Variants in CALN1 observed in about 807,000 individuals in gnomAD.
CALN1 encodes the protein calneuron 1, also known as calcium-binding protein 8.
CALN1 carries 17 observed loss-of-function variants against 30.6 expected under a neutral mutation model. The observed-to-expected ratio is 0.56, with a 90% CI of 0.38 to 0.83. The LOEUF (loss-of-function observed/expected upper bound fraction) is 0.83. Ranked by LOEUF, CALN1 falls within the 40% of genes least tolerant of loss-of-function variation. The pLI is 0.00. For missense variants in CALN1, 291 were observed against 354.9 expected (o/e 0.82, Z 1.45); for synonymous variants, 156 against 131.4 (o/e 1.19, Z -1.28).
chr7:72,411,846 A>G (rs1562958516), intron 1 of CALN1, among the ~76,000 whole-genome samples: 1 of 152,230 alleles, frequency 6.6e-6, no homozygotes, highest in Non-Finnish European at 1.5e-5. Context: ...TTTTCCATAC[A>G]GATTATATTC....
At chr7:71,970,772 C>T (rs925948813) in intron 5 of CALN1, among the ~76,000 whole-genome samples, 9 of 152,116 alleles carry the variant, frequency 5.9e-5, no homozygotes, top group African/African-American at 2.2e-4. Context: ...CACAAAAGGG[C>T]TCAAGTCATC....
At chr7:71,858,276 G>T (rs575943405) in intron 5 of CALN1, among the ~76,000 whole-genome samples, 1 of 152,072 alleles carries the variant, frequency 6.6e-6, no homozygotes, top group Non-Finnish European at 1.5e-5. Context: ...ATCTCCTGCC[G>T]TGATTGTAAG....
At chr7:72,441,470 C>T (rs538551168) in intron 1 of CALN1, among the ~76,000 whole-genome samples, 8 of 151,878 alleles carry the variant, frequency 5.3e-5, no homozygotes, top group African/African-American at 1.7e-4. Flanking sequence ...TGGTGACATG[C>T]GCCTATAATC....
At chr7:72,449,011 G>A (rs1808605402), upstream of CALN1, among the ~76,000 whole-genome samples, 1 of 152,134 alleles carries the variant, frequency 6.6e-6, no homozygotes, top group Admixed American at 6.5e-5. Flanking sequence ...TGGAGTGAGT[G>A]TCAGGGGTGT....
chr7:72,415,802 A>C (rs1420316830), upstream of CALN1, among the ~76,000 whole-genome samples: 2 of 152,060 alleles, frequency 1.3e-5, no homozygotes, highest in African/African-American at 4.8e-5. Context: ...CGCGGGGGGC[A>C]TAGAACTGCG....
intron 2 of CALN1, among the ~76,000 whole-genome samples, chr7:72,401,479 T>C (rs541848384): frequency 6.6e-6 from 1 of 152,098 alleles, no homozygotes; most frequent in African/African-American, 2.4e-5. Context: ...ACATGTTCAG[T>C]GCGTGTGTGC....
the CALN1 span, among the ~76,000 whole-genome samples, chr7:72,470,248 T>C: frequency 1.3e-5 from 2 of 152,264 alleles, no homozygotes; most frequent in African/African-American, 4.8e-5. Flanking sequence ...GTAATGTGCA[T>C]AGAGCCCAGA....
chr7:71,806,252 A>G (rs1787603227), intron 6 of CALN1, among the ~76,000 whole-genome samples: 1 of 140,428 alleles, frequency 7.1e-6, no homozygotes, highest in Non-Finnish European at 1.5e-5. Flanking sequence ...GCACGCATGC[A>G]CACACACACA....
At chr7:72,268,720 C>A (rs142332301) in intron 3 of CALN1, among the ~76,000 whole-genome samples, 2 of 151,254 alleles carry the variant, frequency 1.3e-5, no homozygotes, top group Non-Finnish European at 2.9e-5. Flanking sequence ...TCACTTCAGC[C>A]CAGAAGGTGG....
Position 71,898,502 on chromosome 7 carries a change from T to C in CALN1, c.502-88010A>G, listed in dbSNP as rs554538000. 3.3e-5 allele frequency among the ~76,000 whole-genome samples: 5 copies of C among 152,292 alleles called. No individual in the cohort carries two copies. The East Asian group carries it at 5.8e-4, about 18-fold the overall frequency. ...AGAATACAAGAGACATAAAGCATACTGTGAGAAGATCTGACATAAGGTTTA... is the reference window on the plus strand; with the variant it reads ...AGAATACAAGAGACATAAAGCATACCGTGAGAAGATCTGACATAAGGTTTA... On this transcript the variant is annotated intron_variant, in intron 5 of 6. Coordinates refer to ENST00000395275, the MANE Select transcript of CALN1 (RefSeq NM_031468.4).
chr7:72,217,389 T>C (rs1008019369), intron 3 of CALN1, among the ~76,000 whole-genome samples: 3 of 152,074 alleles, frequency 2.0e-5, no homozygotes, highest in African/African-American at 7.2e-5. Context: ...GCCCCAAACA[T>C]GATTATAGAA....
intron 5 of CALN1, among the ~76,000 whole-genome samples, chr7:71,936,411 A>G (rs865787532): frequency 0.01 from 1,546 of 151,794 alleles, 36 homozygotes; most frequent in African/African-American, 0.035. Context: ...AAAAAAAAAA[A>G]AAAAAAAAAG....
chr7:72,070,892 A>G (rs1320247936), intron 4 of CALN1, among the ~76,000 whole-genome samples: 2 of 152,204 alleles, frequency 1.3e-5, no homozygotes, highest in Non-Finnish European at 2.9e-5. Flanking sequence ...GAAATAACAT[A>G]GAAGAGCTTC....
intron 2 of CALN1, among the ~76,000 whole-genome samples, chr7:72,373,927 G>A (rs562842666): frequency 5.9e-5 from 9 of 152,296 alleles, no homozygotes; most frequent in South Asian, 2.1e-4. Context: ...GATTTCTCAC[G>A]TGGAATCATG....
chr7:71,874,132 G>C (rs13229166), intron 5 of CALN1, among the ~76,000 whole-genome samples: 1 of 151,700 alleles, frequency 6.6e-6, no homozygotes, highest in Non-Finnish European at 1.5e-5. Context: ...AAAATTAGCT[G>C]GGCGTGGTGG....
At chr7:72,064,984 C>T (rs990792887) in intron 4 of CALN1, among the ~76,000 whole-genome samples, 7 of 151,454 alleles carry the variant, frequency 4.6e-5, no homozygotes, top group African/African-American at 1.7e-4. Context: ...TGGGCACAAA[C>T]AGACATCAGG....
rs578167158 is a variant in CALN1, at chr7:72,348,742, G to A, written c.119+54509C>T. Among the ~76,000 whole-genome samples, 6 of 152,342 alleles carry A rather than the reference G, an allele frequency of 3.9e-5. No individual in the cohort carries two copies. The South Asian group carries it at 6.2e-4, about 16-fold the overall frequency. ...GGAATAAACTAGCTCTAGAATAACA[G>A]CTATTTAAGACTTGACCTAACAAAG... is the stretch of plus-strand genomic sequence containing the variant. On this transcript the variant is annotated intron_variant, in intron 2 of 6. Transcript: ENST00000395275.
At chr7:72,302,893 C>CAAAA (rs71069055) in intron 2 of CALN1, among the ~76,000 whole-genome samples, 2,865 of 48,644 alleles carry the variant, frequency 0.059, 367 homozygotes, top group East Asian at 0.074. Flanking sequence ...GTGAGGGTCT[C>CAAAA]AAAAAAAAAA....
intron 5 of CALN1, among the ~76,000 whole-genome samples, chr7:71,906,999 G>C (rs1297509834): frequency 6.6e-6 from 1 of 152,142 alleles, no homozygotes; most frequent in East Asian, 1.9e-4. Flanking sequence ...ACAGAGGCAG[G>C]GGGCAGGGCC....
Sources: allele counts gnomAD v4.1 joint callset (sites outside exome capture counted in the v4.1 genomes callset), GRCh38; gene constraint gnomAD v4.1.1; transcripts MANE v1.5; gene names NCBI Gene and HGNC (gene_info 2026-07-23, HGNC 2026-07-21).